CMYA5: variants seen among roughly 807,000 people sequenced by gnomAD.
CMYA5 encodes the protein cardiomyopathy-associated protein 5.
A neutral mutation model predicts 318.9 loss-of-function variants in CMYA5; 246 were observed. That is an observed-to-expected ratio of 0.77 (90% confidence interval 0.70 to 0.86). The LOEUF (loss-of-function observed/expected upper bound fraction) is 0.86. CMYA5 is among the 40% of genes least tolerant of loss of function. The pLI is 0.00. For missense variants in CMYA5, 4,589 were observed against 4,678.2 expected, an observed-to-expected ratio of 0.98 and a Z score of 0.56; for synonymous variants, 1,641 against 1,729.5, an observed-to-expected ratio of 0.95 and a Z score of 1.27.
In CMYA5 at chr5:79,762,158, A is replaced by G; in HGVS notation, c.11407+201A>G. 5.9e-6 allele frequency: 3 copies of G among 510,622 alleles called. No individual in the cohort carries two copies. The South Asian group carries it at 1.5e-4, about 26-fold the overall frequency. 31.6% of individuals were successfully genotyped at this position (510,622 alleles called of 1,614,324 possible). The stretch of plus-strand genomic sequence containing the variant: ...AGGTGGGGAGATGGAAAAACAGAGG[A>G]TCATAGAAAATGTGTGGTAAGGGCC... On this transcript the variant is annotated intron_variant, in intron 8 of 12. Coordinates refer to ENST00000446378, the MANE Select transcript of CMYA5 (RefSeq NM_153610.5).
rs376562055 is a variant in CMYA5, at chr5:79,763,084, C to T, written c.11430C>T (p.Arg3810=). The change falls in exon 9 of 13, where the codon CGC becomes CGT. Residue 3810 remains arginine, a synonymous_variant. Coordinates refer to ENST00000446378, the MANE Select transcript of CMYA5 (RefSeq NM_153610.5). ...FRTAPSTPVI[R]AEDCTVCWNT... is the part of the protein sequence containing the mutation. ...CAGCACCCTCCACCCCTGTGATCCG[C>T]GCTGAGGACTGTACTGTGTGTTGGA... The T allele has an allele frequency of 9.3e-6, 15 of 1,613,712 alleles. No homozygotes were observed. In the African/African-American group the frequency reaches 1.1e-4, roughly 11 times the overall value.
rs1419828104 is a variant in CMYA5 at position 79,746,195 on chromosome 5, G to A, written c.10968+740G>A. On this transcript the variant is annotated intron_variant, in intron 4 of 12. Transcript: ENST00000446378. ...TCCAAGCCTAATTGTCACACAGCAAGAAGCACTGCTCTTAGGATGACTGGG... is the reference window on the plus strand; with the variant it reads ...TCCAAGCCTAATTGTCACACAGCAAAAAGCACTGCTCTTAGGATGACTGGG... Among the ~76,000 whole-genome samples, 3 of 152,178 alleles carry A rather than the reference G, an allele frequency of 2.0e-5. No individual in the cohort carries two copies. The East Asian group carries it at 5.8e-4, about 29-fold the overall frequency.
intron 1 of CMYA5, among the ~76,000 whole-genome samples, chr5:79,706,293 G>A (rs1383750824): frequency 6.6e-6 from 1 of 152,186 alleles, no homozygotes; most frequent in Non-Finnish European, 1.5e-5. Flanking sequence ...GTATGCAGAA[G>A]TACAGTATAC....
Position 79,729,460 on chromosome 5 carries a change from T to C in CMYA5, c.695T>C (p.Phe232Ser), listed in dbSNP as rs777376570. 1.9e-6 allele frequency: 3 copies of C among 1,611,988 alleles called. No homozygotes were observed. The Admixed American group carries it at 5.0e-5, about 27-fold the overall frequency. ...IGTVQYKIKM[F>S]NSVKEELIPL... is the part of the protein sequence containing the mutation. ...ACAGTACAATATAAAATTAAGATGTTTAATTCGGTTAAAGAAGAATTAATT... is the reference window on the plus strand; with the variant it reads ...ACAGTACAATATAAAATTAAGATGTCTAATTCGGTTAAAGAAGAATTAATT... Residue 232 changes from phenylalanine to serine, a missense_variant, in exon 2 of 13, where the codon TTT (phenylalanine) becomes TCT (serine). Phe to Ser is a radical substitution (Grantham distance 155). This residue lies in a region of CMYA5 where 2,132 missense variants were observed against 2,131.3 expected (regional missense o/e 1.00). Transcript: ENST00000446378.
At chr5:79,739,457 TG>T (rs1828168250) in intron 2 of CMYA5, 54 bp downstream of exon 2, 6 of 1,247,280 alleles carry the variant, frequency 4.8e-6, no homozygotes, top group Non-Finnish European at 6.3e-6. Flanking sequence ...ACATTTAATT[TG>T]CTTTTACATT....
intron 5 of CMYA5, among the ~76,000 whole-genome samples, chr5:79,749,364 C>T (rs947038029): frequency 6.6e-6 from 1 of 152,250 alleles, no homozygotes; most frequent in Non-Finnish European, 1.5e-5. Context: ...AAGAAAACTT[C>T]TGTCTCAAAG....
At chr5:79,692,833 G>A (rs74622502) in intron 1 of CMYA5, among the ~76,000 whole-genome samples, 1,539 of 152,256 alleles carry the variant, frequency 0.01, 15 homozygotes, top group East Asian at 0.043. Flanking sequence ...TCAGCTTTCA[G>A]TATAAATAAT....
At chr5:79,697,016 A>AT (rs1827080457) in intron 1 of CMYA5, among the ~76,000 whole-genome samples, 1 of 152,216 alleles carries the variant, frequency 6.6e-6, no homozygotes, top group Admixed American at 6.5e-5. Flanking sequence ...TCAAAAAAAA[A>AT]AAATGTATTT....
chr5:79,788,990 G>A lies in CMYA5; in HGVS notation c.11575G>A (p.Gly3859Arg), dbSNP rs1221257402. ...EGLRSFSGIK[G>R]LQLKVNLQPN... is the part of the protein sequence containing the mutation. ...ATTTAGATCTTTCTCTGGAATCAAA[G>A]GACTCCAGCTGAAAGTTAACCTCCA... Residue 3859 changes from glycine to arginine, a missense_variant, in exon 10 of 13, where the codon GGA (glycine) becomes AGA (arginine). Around this residue, in one of 3 missense-constraint regions of CMYA5, gnomAD observed 2,431 missense variants for 2,495.1 expected, o/e 0.97. Coordinates refer to ENST00000446378, the MANE Select transcript of CMYA5 (RefSeq NM_153610.5). 5 of 1,613,190 alleles carry A rather than the reference G, an allele frequency of 3.1e-6. No individual in the cohort carries two copies. Among genetic ancestry groups the A allele is most frequent in the Non-Finnish European group, 4.2e-6 (5 of 1,179,494 alleles).
intron 6 of CMYA5, among the ~76,000 whole-genome samples, chr5:79,757,417 G>T (rs1200938131): frequency 6.6e-6 from 1 of 152,058 alleles, no homozygotes; most frequent in Non-Finnish European, 1.5e-5. Context: ...TTAAAATTCA[G>T]AACAACGGAG....
rs1384127618 is a variant in CMYA5, at chr5:79,730,416, A to G, written c.1651A>G (p.Met551Val). Residue 551 changes from methionine to valine, a missense_variant, in exon 2 of 13, where the codon ATG becomes GTG. Physicochemically the swap from Met to Val is conservative, Grantham distance 21 (BLOSUM62 1). Around this residue, in one of 3 missense-constraint regions of CMYA5, gnomAD observed 2,132 missense variants for 2,131.3 expected, o/e 1.00. Coordinates refer to ENST00000446378, the MANE Select transcript of CMYA5 (RefSeq NM_153610.5). ...LVSEKPFPPHMSPEVEHKEEE... is the reference protein window; with the variant it reads ...LVSEKPFPPHVSPEVEHKEEE... ...TTCCGAGAAGCCCTTCCCACCACAT[A>G]TGTCCCCTGAAGTGGAGCACAAAGA... The G allele has an allele frequency of 4.3e-6, 7 of 1,613,744 alleles. No individual in the cohort carries two copies. Among genetic ancestry groups the G allele is most frequent in the Admixed American group, 1.7e-5 (1 of 60,004 alleles).
chr5:79,717,884 A>ATTTTTTTTTTTTTT (rs1282948127), intron 1 of CMYA5, among the ~76,000 whole-genome samples: 1 of 91,774 alleles, frequency 1.1e-5, no homozygotes, highest in Non-Finnish European at 2.0e-5. Context: ...AACCTAAGCT[A>ATTTTTTTTTTTTTT]TTTTTTTTTT....
At position 79,789,039 on chromosome 5, in the gene CMYA5, A is replaced by G. The variant is rs1829130730; in HGVS notation, c.11624A>G (p.Tyr3875Cys). The G allele has an allele frequency of 1.2e-6, 2 of 1,613,966 alleles. No individual in the cohort carries two copies. Among genetic ancestry groups the G allele is most frequent in the Non-Finnish European group, 1.7e-6 (2 of 1,179,862 alleles). Reference sequence around the variant, plus strand: ...CAACCCAATGATAACTACTTTTTCTATGTGAGGGCCATCAATGCATTTGGG... The same window carrying G: ...CAACCCAATGATAACTACTTTTTCTGTGTGAGGGCCATCAATGCATTTGGG... The part of the protein sequence containing the change: ...NLQPNDNYFF[Y>C]VRAINAFGTS... Residue 3875 changes from tyrosine to cysteine, a missense_variant, in exon 10 of 13, where the codon TAT becomes TGT. Tyr to Cys is a radical substitution (Grantham distance 194). This residue lies in a region of CMYA5 where 2,431 missense variants were observed against 2,495.1 expected (regional missense o/e 0.97). Transcript: ENST00000446378.
rs2278239 is a variant in CMYA5 at position 79,737,483 on chromosome 5, A to C, written c.8718A>C (p.Lys2906Asn). ...ISNTSASNAD[K>N]MVSNKEMPKE... is the part of the protein sequence containing the mutation. Reference sequence around the variant, plus strand: ...ATACATCAGCAAGCAATGCTGATAAAATGGTTTCTAATAAAGAAATGCCCA... The same window carrying C: ...ATACATCAGCAAGCAATGCTGATAACATGGTTTCTAATAAAGAAATGCCCA... Residue 2906 changes from lysine (K) to asparagine (N), a missense_variant, in exon 2 of 13, where the codon AAA becomes AAC. By Grantham distance (94) the Lys-to-Asn change is moderately conservative (BLOSUM62 0). Around this residue, in one of 3 missense-constraint regions of CMYA5, gnomAD observed 2,431 missense variants for 2,495.1 expected, o/e 0.97. Transcript: ENST00000446378. 0.12 allele frequency: 190,294 copies of C among 1,613,416 alleles called. 20,900 individuals carry two copies. The highest frequency in any genetic ancestry group is 0.51 in the African/African-American group (37,952 of 74,906).
chr5:79,765,613 A>C (rs958359352), intron 9 of CMYA5, among the ~76,000 whole-genome samples: 1 of 152,070 alleles, frequency 6.6e-6, no homozygotes, highest in African/African-American at 2.4e-5. Flanking sequence ...GGTTCTTTCT[A>C]TCCATGAGCA....
chr5:79,689,934 T>C lies in CMYA5; in HGVS notation c.27T>C (p.Ala9=). 8 of 981,296 alleles carry C rather than the reference T, an allele frequency of 8.2e-6. No individual in the cohort carries two copies. The highest frequency in any genetic ancestry group is 1.1e-5 in the Non-Finnish European group (7 of 633,022). 60.8% of individuals were successfully genotyped at this position (981,296 alleles called of 1,614,324 possible). The part of the protein sequence containing the change: MASRDSNH[A]GESFLGSDGD... ...TGGCGAGCCGCGATAGCAACCACGC[T>C]GGCGAGAGCTTTCTCGGCTCCGACG... The change falls in exon 1 of 13, where the codon GCT becomes GCC. Residue 9 remains alanine (A), a synonymous_variant. Coordinates refer to ENST00000446378, the MANE Select transcript of CMYA5 (RefSeq NM_153610.5).
intron 2 of CMYA5, among the ~76,000 whole-genome samples, chr5:79,742,176 C>T (rs1828229794): frequency 7.0e-6 from 1 of 143,114 alleles, no homozygotes; most frequent in Non-Finnish European, 1.5e-5. Context: ...TCCTCCTCCT[C>T]TTCTTCTTCT....
intron 11 of CMYA5, among the ~76,000 whole-genome samples, chr5:79,792,611 C>T (rs1345911000): frequency 6.6e-6 from 1 of 152,172 alleles, no homozygotes. Flanking sequence ...TTGCATTAAT[C>T]ATTTTCTCAT....
intron 1 of CMYA5, among the ~76,000 whole-genome samples, chr5:79,709,368 G>T (rs1357014040): frequency 6.6e-6 from 1 of 152,194 alleles, no homozygotes; most frequent in African/African-American, 2.4e-5. Context: ...CAATCTAAAT[G>T]TTCAACAACA....
Sources: allele counts gnomAD v4.1 joint callset (sites outside exome capture counted in the v4.1 genomes callset), GRCh38; gene constraint gnomAD v4.1.1; regional missense constraint gnomAD v4.1.1; transcripts MANE v1.5; gene names NCBI Gene and HGNC (gene_info 2026-07-23, HGNC 2026-07-21).